Variants in MRTFB observed in about 807,000 individuals in gnomAD.
MRTFB encodes the protein myocardin-related transcription factor B.
In MRTFB, 29 loss-of-function variants were observed where a neutral mutation model predicts 104.2. The observed-to-expected ratio is 0.28, with a 90% CI of 0.21 to 0.38. The LOEUF (loss-of-function observed/expected upper bound fraction) is 0.38. Among genes scored for constraint, MRTFB ranks in the 10% least tolerant of loss-of-function variants. The pLI is 1.00. For missense variants in MRTFB, 1,270 were observed against 1,341.6 expected (o/e 0.95, Z 0.83); for synonymous variants, 535 against 519.5 (o/e 1.03, Z -0.41).
the MRTFB span, among the ~76,000 whole-genome samples, chr16:14,057,787 G>T: frequency 6.6e-6 from 1 of 152,226 alleles, no homozygotes. Flanking sequence ...GGCAAGGCAA[G>T]ATTGGCTCAC....
In MRTFB at chr16:14,246,577, C is replaced by T. The variant is rs150298259; in HGVS notation, c.1317C>T (p.Ser439=). The T allele has an allele frequency of 1.0e-4, 167 of 1,614,140 alleles. No homozygotes were observed. The highest frequency in any genetic ancestry group is 3.3e-4 in the Admixed American group (20 of 60,024). The change falls in exon 12 of 17, where the codon AGC becomes AGT. Residue 439 remains serine, a synonymous_variant. Transcript: ENST00000571589. ...RLKPYQEVNS[S]GLAAGGIVAV... The stretch of plus-strand genomic sequence containing the variant: ...AACCCTACCAGGAAGTGAACAGCAG[C>T]GGCCTTGCTGCTGGGGGCATCGTGG...
chr16:14,240,773 C>G (rs199910608), intron 10 of MRTFB: 43 of 764,360 alleles, frequency 5.6e-5, no homozygotes, highest in Middle Eastern at 4.5e-4. Context: ...CAAAATAGTA[C>G]TAGATGCTCT....
At chr16:14,046,818 T>G in the MRTFB span, among the ~76,000 whole-genome samples, 1 of 152,192 alleles carries the variant, frequency 6.6e-6, no homozygotes, top group African/African-American at 2.4e-5. Context: ...ATAAATTAAT[T>G]ACTTCATTAA....
At chr16:14,050,642 A>C in the MRTFB span, among the ~76,000 whole-genome samples, 1 of 152,208 alleles carries the variant, frequency 6.6e-6, no homozygotes, top group African/African-American at 2.4e-5. Flanking sequence ...TGACTTTCTC[A>C]CTGTGATTCA....
Position 14,218,962 on chromosome 16 carries a change from A to G in MRTFB, c.657A>G (p.Glu219=), listed in dbSNP as rs1040957196. 9 of 1,613,974 alleles carry G rather than the reference A, an allele frequency of 5.6e-6. No homozygotes were observed. The Admixed American group carries it at 1.2e-4, about 21-fold the overall frequency. ...AASPSEPKVS[E]SPSPVTTNTP... Reference sequence around the variant, plus strand: ...CCCCAAGTGAGCCAAAAGTTAGTGAATCGCCATCTCCTGTGACTACAAACA... The same window carrying G: ...CCCCAAGTGAGCCAAAAGTTAGTGAGTCGCCATCTCCTGTGACTACAAACA... The change falls in exon 8 of 17, where the codon GAA becomes GAG. Residue 219 remains glutamate (E), a synonymous_variant. Transcript: ENST00000571589.
intron 3 of MRTFB, chr16:14,153,038 G>C (rs1396756133): frequency 6.6e-6 from 1 of 151,992 alleles, no homozygotes; most frequent in Admixed American, 6.6e-5. Flanking sequence ...TAAAATTCAT[G>C]TTATCATATT....
chr16:14,155,163 TTTTAC>T (rs2038782619), intron 3 of MRTFB, among the ~76,000 whole-genome samples: 2 of 152,190 alleles, frequency 1.3e-5, no homozygotes, highest in African/African-American at 4.8e-5. Context: ...TTTTTTCCCA[TTTTAC>T]TTTATTTTTA....
At chr16:14,015,328 G>T in the MRTFB span, among the ~76,000 whole-genome samples, 4 of 152,178 alleles carry the variant, frequency 2.6e-5, no homozygotes, top group Non-Finnish European at 4.4e-5. Flanking sequence ...TCAGCAAAGA[G>T]AACTTTATTT....
intron 9 of MRTFB, among the ~76,000 whole-genome samples, chr16:14,237,497 G>T (rs536673455): frequency 1.3e-5 from 2 of 152,230 alleles, no homozygotes; most frequent in Non-Finnish European, 1.5e-5. Flanking sequence ...GTTGGAGTGG[G>T]CACAAGAGAG....
At chr16:14,082,396 T>C (rs1271227044) in intron 2 of MRTFB, among the ~76,000 whole-genome samples, 1 of 152,210 alleles carries the variant, frequency 6.6e-6, no homozygotes, top group Non-Finnish European at 1.5e-5. Context: ...CATTCGTCTA[T>C]GTGTCTGTAT....
At chr16:14,250,109 T>C (rs1238120931) in intron 13 of MRTFB, among the ~76,000 whole-genome samples, 1 of 152,222 alleles carries the variant, frequency 6.6e-6, no homozygotes, top group East Asian at 1.9e-4. Context: ...AAATAAGGGC[T>C]TTTTCACTAA....
rs1271970103 is a variant in MRTFB at position 14,265,141 on chromosome 16, G to C, written c.*3697G>C. The stretch of plus-strand genomic sequence containing the variant: ...TCACAGAAGTCCTGGCTGTCACTCA[G>C]GTGGGGAGCTCATGGTGCCGCTGGG... On this transcript the variant is annotated 3_prime_UTR_variant, in exon 17 of 17. Coordinates refer to ENST00000571589, the MANE Select transcript of MRTFB (RefSeq NM_001308142.2). 1 of 152,214 alleles carries C rather than the reference G, an allele frequency of 6.6e-6. No homozygotes were observed. The highest frequency in any genetic ancestry group is 2.4e-5 in the African/African-American group (1 of 41,454). 9.4% of individuals were successfully genotyped at this position (152,214 alleles called of 1,614,324 possible).
At chr16:14,200,582 T>G (rs1261910479) in intron 3 of MRTFB, 25 of 1,601,484 alleles carry the variant, frequency 1.6e-5, no homozygotes, top group East Asian at 4.5e-5. Context: ...ATGTGACTTT[T>G]GGGCAGTGAA....
intron 3 of MRTFB, chr16:14,151,202 G>A (rs1000801885): frequency 2.6e-5 from 4 of 152,288 alleles, no homozygotes; most frequent in Admixed American, 2.6e-4. Flanking sequence ...GTCTGTATGT[G>A]TATGTAAGTT....
the MRTFB span, among the ~76,000 whole-genome samples, chr16:14,033,293 C>A: frequency 1.3e-5 from 2 of 151,978 alleles, no homozygotes; most frequent in Non-Finnish European, 2.9e-5. Flanking sequence ...TGCCTGTAAT[C>A]CCAGCATTTT....
At chr16:13,995,142 G>A in the MRTFB span, among the ~76,000 whole-genome samples, 6 of 152,158 alleles carry the variant, frequency 3.9e-5, 1 homozygote, top group South Asian at 4.1e-4. Flanking sequence ...GTTGATCTTC[G>A]GATAAAAAGA....
the MRTFB span, among the ~76,000 whole-genome samples, chr16:14,041,713 T>C: frequency 1.1e-4 from 16 of 151,944 alleles, no homozygotes; most frequent in African/African-American, 3.6e-4. Context: ...GATCACCTCA[T>C]GTCAGGAGTT....
At chr16:14,207,781 A>G (rs1334364194) in intron 3 of MRTFB, among the ~76,000 whole-genome samples, 1 of 152,204 alleles carries the variant, frequency 6.6e-6, no homozygotes, top group African/African-American at 2.4e-5. Context: ...AATAATAGGT[A>G]AAGTGCCTTC....
chr16:14,161,331 C>T (rs2039030562), intron 3 of MRTFB, among the ~76,000 whole-genome samples: 1 of 152,046 alleles, frequency 6.6e-6, no homozygotes, highest in South Asian at 2.1e-4. Context: ...AGGCAATATT[C>T]AGTCACCTGA....
Sources: allele counts gnomAD v4.1 joint callset (sites outside exome capture counted in the v4.1 genomes callset), GRCh38; gene constraint gnomAD v4.1.1; transcripts MANE v1.5; gene names NCBI Gene and HGNC (gene_info 2026-07-23, HGNC 2026-07-21).